The following MTUS2 variants were observed in gnomAD, a reference collection of about 807,000 sequenced individuals.
The protein encoded by MTUS2 is microtubule-associated tumor suppressor candidate 2.
In MTUS2, 40 loss-of-function variants were observed where a neutral mutation model predicts 114.1. The observed-to-expected ratio is 0.35, with a 90% CI of 0.27 to 0.46. MTUS2 has a LOEUF of 0.46. Among genes scored for constraint, MTUS2 ranks in the 20% least tolerant of loss-of-function variants. The pLI is 1.00. For synonymous variants in MTUS2, 688 were observed against 672.0 expected (o/e 1.02, Z -0.37); for missense variants, 1,679 against 1,705.4 (o/e 0.98, Z 0.27).
chr13:29,492,113 GGTGTGT>G (rs369765428), intron 11 of MTUS2, among the ~76,000 whole-genome samples: 114 of 140,678 alleles, frequency 8.1e-4, no homozygotes, highest in African/African-American at 3.2e-3. Flanking sequence ...GTATGTGTGT[GGTGTGT>G]GTGTGTATGT....
At chr13:28,860,280 C>A (rs1876886620) in intron 2 of MTUS2, among the ~76,000 whole-genome samples, 1 of 152,166 alleles carries the variant, frequency 6.6e-6, no homozygotes, top group African/African-American at 2.4e-5. Flanking sequence ...AATGAGGCAG[C>A]ATTTCTAATA....
chr13:29,187,934 A>G (rs573958232), intron 5 of MTUS2, among the ~76,000 whole-genome samples: 43 of 152,342 alleles, frequency 2.8e-4, no homozygotes, highest in African/African-American at 6.7e-4. Flanking sequence ...TGTTTCAACA[A>G]TGAAACAACC....
chr13:29,254,104 G>GAAGT (rs1897218276), intron 5 of MTUS2, among the ~76,000 whole-genome samples: 2 of 152,296 alleles, frequency 1.3e-5, no homozygotes, highest in East Asian at 3.9e-4. Flanking sequence ...TTCTGGAAAA[G>GAAGT]AAGTGACACA....
At chr13:29,299,926 G>C (rs1899121768) in intron 6 of MTUS2, among the ~76,000 whole-genome samples, 1 of 152,028 alleles carries the variant, frequency 6.6e-6, no homozygotes, top group Non-Finnish European at 1.5e-5. Context: ...TTACTGGGCA[G>C]TCCAGTAAAA....
rs1881090484 is a variant in MTUS2 at position 29,480,567 on chromosome 13, C to G, written c.3399+203C>G. ...CTCCTTCACTCTTCCTCAGGGTTTT[C>G]ACACTTGCTGTGCCCTCTGCCTGGA... On this transcript the variant is annotated intron_variant, in intron 10 of 15. Transcript: ENST00000612955. The surrounding 1 kb of genome is among the most constrained non-coding windows in gnomAD (Gnocchi z 4.4). Among the ~76,000 whole-genome samples, 1 of 152,216 alleles carries G rather than the reference C, an allele frequency of 6.6e-6. No individual in the cohort carries two copies. The highest frequency in any genetic ancestry group is 6.5e-5 in the Admixed American group (1 of 15,284).
chr13:29,319,819 T>C (rs750255160), intron 6 of MTUS2, among the ~76,000 whole-genome samples: 16 of 151,560 alleles, frequency 1.1e-4, no homozygotes, highest in Non-Finnish European at 1.9e-4. Context: ...GAAAGCTGAA[T>C]AGGGTCTAAG....
intron 4 of MTUS2, among the ~76,000 whole-genome samples, chr13:29,084,847 C>T (rs370129354): frequency 6.7e-6 from 1 of 150,162 alleles, no homozygotes; most frequent in African/African-American, 2.4e-5. Flanking sequence ...TGTGCCTGAC[C>T]TCAGAGGTTA....
intron 5 of MTUS2, among the ~76,000 whole-genome samples, chr13:29,103,531 T>A (rs976234804): frequency 6.6e-6 from 1 of 151,990 alleles, no homozygotes; most frequent in Admixed American, 6.6e-5. Context: ...CTTGCAGGAG[T>A]GGAAGGTGCT....
chr13:29,158,358 C>CCCCCCT, intron 5 of MTUS2, among the ~76,000 whole-genome samples: 5 of 32,046 alleles, frequency 1.6e-4, no homozygotes, highest in African/African-American at 6.2e-4. Flanking sequence ...GTCCACCCCG[C>CCCCCCT]TTTTTTTTTT....
intron 5 of MTUS2, among the ~76,000 whole-genome samples, chr13:29,280,244 A>G (rs895368327): frequency 2.0e-5 from 3 of 152,230 alleles, no homozygotes; most frequent in Admixed American, 1.3e-4. Flanking sequence ...GACACCCAGG[A>G]TACAGTGCAG....
chr13:29,047,751 G>T (rs928319522), intron 4 of MTUS2, among the ~76,000 whole-genome samples: 2 of 152,094 alleles, frequency 1.3e-5, no homozygotes, highest in African/African-American at 4.8e-5. Flanking sequence ...CTGACGTGAT[G>T]CGCCCACCTT....
chr13:29,424,647 C>T (rs1876370495), intron 8 of MTUS2, among the ~76,000 whole-genome samples: 1 of 152,288 alleles, frequency 6.6e-6, no homozygotes, highest in Non-Finnish European at 1.5e-5. Flanking sequence ...CACACAGCAT[C>T]ACCTCTGAGA....
At chr13:28,998,214 T>C (rs1228851526) in intron 2 of MTUS2, among the ~76,000 whole-genome samples, 1 of 152,206 alleles carries the variant, frequency 6.6e-6, no homozygotes, top group African/African-American at 2.4e-5. Flanking sequence ...TGTTGAATAT[T>C]GTCCCCCACT....
chr13:29,101,917 C>T (rs9314933), intron 5 of MTUS2, among the ~76,000 whole-genome samples: 16 of 152,032 alleles, frequency 1.1e-4, no homozygotes, highest in Admixed American at 6.5e-5. Context: ...GGAACATTTG[C>T]GTAGTTCTAA....
intron 2 of MTUS2, among the ~76,000 whole-genome samples, chr13:28,907,408 A>G (rs1439447696): frequency 2.6e-5 from 4 of 151,732 alleles, no homozygotes; most frequent in Admixed American, 2.6e-4. Context: ...AACAATATTA[A>G]CTTTAAATGT....
intron 5 of MTUS2, among the ~76,000 whole-genome samples, chr13:29,190,551 G>A (rs1057258407): frequency 1.3e-5 from 2 of 152,230 alleles, no homozygotes; most frequent in Non-Finnish European, 2.9e-5. Context: ...GGCCTTGTGT[G>A]GCCTTGGCAG....
chr13:29,339,492 AG>A (rs1395237533), intron 7 of MTUS2: 1 of 152,974 alleles, frequency 6.5e-6, no homozygotes, highest in African/African-American at 2.4e-5. Context: ...TCCCTGGCAC[AG>A]GGATCTGGGG....
At chr13:28,845,776 A>G (rs1281340109) in intron 2 of MTUS2, among the ~76,000 whole-genome samples, 1 of 152,002 alleles carries the variant, frequency 6.6e-6, no homozygotes, top group Non-Finnish European at 1.5e-5. Context: ...ACTCTGGGTC[A>G]TGTCTCAGCT....
At chr13:28,975,601 C>T (rs928521568) in intron 2 of MTUS2, among the ~76,000 whole-genome samples, 2 of 152,204 alleles carry the variant, frequency 1.3e-5, no homozygotes, top group African/African-American at 4.8e-5. Flanking sequence ...TCCATCCTTC[C>T]TCTCCTTCTG....
Sources: gnomAD v4.1 joint callset for allele counts (sites outside exome capture counted in the v4.1 genomes callset) on GRCh38, gnomAD v4.1.1 for gene constraint, Gnocchi (gnomAD v3.1) non-coding constraint, MANE v1.5 for transcripts, NCBI Gene and HGNC (gene_info 2026-07-23, HGNC 2026-07-21) for gene names.